Variants in TANC2 observed in about 807,000 individuals in gnomAD.
TANC2 encodes the protein tetratricopeptide repeat, ankyrin repeat and coiled-coil containing 2, also known as protein TANC2.
In TANC2, 26 loss-of-function variants were observed where a neutral mutation model predicts 210.5. The ratio of observed to expected loss-of-function variants is 0.12; its 90% confidence interval spans 0.09 to 0.17. TANC2 has a LOEUF of 0.17. Ranked by LOEUF, TANC2 falls within the 10% of genes least tolerant of loss-of-function variation. The pLI, the probability that TANC2 is intolerant of heterozygous loss-of-function variation, is 1.00. For synonymous variants in TANC2, 931 were observed against 967.1 expected (o/e 0.96, Z 0.69); for missense variants, 2,129 against 2,608.9 (o/e 0.82, Z 4.01).
exon 12 of TANC2, chr17:63,340,170 G>A (rs752419482): frequency 2.5e-6 from 4 of 1,613,948 alleles, no homozygotes; most frequent in Non-Finnish European, 2.5e-6. Flanking sequence ...TGTCCACAAT[G>A]TTGCTGCCTT....
intron 13 of TANC2, among the ~76,000 whole-genome samples, chr17:63,354,110 C>G (rs1299290095): frequency 6.6e-6 from 1 of 152,116 alleles, no homozygotes; most frequent in Non-Finnish European, 1.5e-5. Context: ...TGGGTACTCA[C>G]AGGAGCAAAG....
rs78262395 is a variant in TANC2 at position 63,329,554 on chromosome 17, G to C, written c.1575+10464G>C. On this transcript the variant is annotated intron_variant, in intron 11 of 27. Transcript: ENST00000689528. ...ACGCCTGTCAACACCATTTTTCTGA[G>C]AGCATGTGTTTGCTTCATGTCTCCA... 8.3e-3 allele frequency among the ~76,000 whole-genome samples: 1,265 copies of C among 152,254 alleles called. 15 individuals are homozygous for C. Among genetic ancestry groups the C allele is most frequent in the African/African-American group, 0.028 (1,157 of 41,550 alleles).
chr17:63,283,330 G>A (rs558038169), intron 9 of TANC2, among the ~76,000 whole-genome samples: 1 of 151,784 alleles, frequency 6.6e-6, no homozygotes, highest in Admixed American at 6.6e-5. Flanking sequence ...ATAATATTCT[G>A]TATTGATACT....
At chr17:63,369,554 T>A (rs1288137164) in intron 14 of TANC2, among the ~76,000 whole-genome samples, 1 of 102,034 alleles carries the variant, frequency 9.8e-6, no homozygotes, top group Non-Finnish European at 1.9e-5. Context: ...TAATTTCAGC[T>A]TTTTTTTTTT....
intron 2 of TANC2, among the ~76,000 whole-genome samples, chr17:63,053,754 G>A (rs2035667557): frequency 6.6e-6 from 1 of 152,150 alleles, no homozygotes; most frequent in Admixed American, 6.5e-5. Context: ...CAGTTCTTTT[G>A]CAGTCTTTCC....
chr17:63,186,035 A>C (rs1048730038), intron 5 of TANC2, among the ~76,000 whole-genome samples: 7 of 152,166 alleles, frequency 4.6e-5, no homozygotes, highest in Non-Finnish European at 1.5e-5. Context: ...TTTCCAGAAG[A>C]CTTATTGCTT....
intron 11 of TANC2, chr17:63,320,506 A>T (rs1156792246): frequency 1.3e-5 from 2 of 152,176 alleles, no homozygotes; most frequent in Non-Finnish European, 2.9e-5. Flanking sequence ...CAAAAAATGC[A>T]TAGGACATAA....
intron 9 of TANC2, among the ~76,000 whole-genome samples, chr17:63,307,837 C>T (rs1162519614): frequency 2.0e-5 from 3 of 152,212 alleles, no homozygotes; most frequent in African/African-American, 7.2e-5. Flanking sequence ...GCGATCTCAG[C>T]TCACTGCAAT....
At chr17:63,072,157 AGAGT>A (rs1438058350) in intron 2 of TANC2, among the ~76,000 whole-genome samples, 1 of 152,158 alleles carries the variant, frequency 6.6e-6, no homozygotes, top group Non-Finnish European at 1.5e-5. Context: ...AATTCACAAG[AGAGT>A]GAGGTAGAAG....
chr17:63,025,843 A>G (rs568498737), intron 2 of TANC2, among the ~76,000 whole-genome samples: 11 of 151,296 alleles, frequency 7.3e-5, no homozygotes, highest in African/African-American at 2.7e-4. Context: ...AAAATAAAAT[A>G]AAATAAAATA....
At chr17:63,357,037 G>A (rs1482517513) in intron 14 of TANC2, among the ~76,000 whole-genome samples, 1 of 152,146 alleles carries the variant, frequency 6.6e-6, no homozygotes, top group African/African-American at 2.4e-5. Context: ...AACAATCCAA[G>A]TCCCTTCTGT....
chr17:63,229,028 C>T (rs1172266929), intron 7 of TANC2, among the ~76,000 whole-genome samples: 1 of 152,130 alleles, frequency 6.6e-6, no homozygotes, highest in Non-Finnish European at 1.5e-5. Flanking sequence ...AAAATGCTTC[C>T]AGCTCTTCCC....
intron 3 of TANC2, among the ~76,000 whole-genome samples, chr17:63,074,599 T>C (rs2036509782): frequency 6.6e-6 from 1 of 152,182 alleles, no homozygotes; most frequent in African/African-American, 2.4e-5. Context: ...CTATTCCTTT[T>C]TCTTTATAGT....
intron 2 of TANC2, among the ~76,000 whole-genome samples, chr17:63,043,534 C>A (rs758497839): frequency 1.2e-4 from 18 of 152,054 alleles, no homozygotes; most frequent in Non-Finnish European, 1.8e-4. Context: ...TGACCAAAGT[C>A]ATATAGTAAA....
intron 9 of TANC2, among the ~76,000 whole-genome samples, chr17:63,274,556 G>A (rs999500263): frequency 5.9e-5 from 9 of 152,098 alleles, no homozygotes; most frequent in African/African-American, 1.4e-4. Context: ...GCTCACACCT[G>A]TAATCCCAGC....
chr17:63,172,460 G>A (rs1170943312), intron 5 of TANC2, among the ~76,000 whole-genome samples: 1 of 151,888 alleles, frequency 6.6e-6, no homozygotes, highest in African/African-American at 2.4e-5. Context: ...GGGATTACAG[G>A]TGTGAGCCAC....
intron 18 of TANC2, among the ~76,000 whole-genome samples, chr17:63,398,511 A>T (rs566617268): frequency 2.6e-5 from 4 of 152,012 alleles, no homozygotes; most frequent in Admixed American, 6.5e-5. Flanking sequence ...TTTATTTTCT[A>T]TGGCTTTTTT....
At chr17:63,332,455 G>A (rs1453950126) in intron 11 of TANC2, 1 of 395,932 alleles carries the variant, frequency 2.5e-6, no homozygotes, top group South Asian at 2.1e-5. Context: ...AGGACTCAAA[G>A]TGAGTAATCA....
At chr17:63,267,777 G>A (rs898876116) in exon 9 of TANC2, 6 of 1,612,870 alleles carry the variant, frequency 3.7e-6, no homozygotes, top group Non-Finnish European at 5.1e-6. Context: ...GGAAGACCTT[G>A]CTTACCTGGA....
Sources: gnomAD v4.1 joint callset for allele counts (sites outside exome capture counted in the v4.1 genomes callset) on GRCh38, gnomAD v4.1.1 for gene constraint, MANE v1.5 for transcripts, NCBI Gene and HGNC (gene_info 2026-07-23, HGNC 2026-07-21) for gene names.